The following ZFHX3 variants were observed in gnomAD, a reference collection of about 807,000 sequenced individuals.
The protein encoded by ZFHX3 is zinc finger homeobox 3, also known as zinc finger homeobox protein 3.
ZFHX3 carries 42 observed loss-of-function variants against 279.1 expected under a neutral mutation model. The observed-to-expected ratio is 0.15, with a 90% CI of 0.12 to 0.19. ZFHX3 has a LOEUF of 0.19. ZFHX3 is among the 10% of genes least tolerant of loss of function. The pLI is 1.00. For missense variants in ZFHX3, 4,981 were observed against 4,754.0 expected (o/e 1.05, Z -1.40); for synonymous variants, 2,293 against 1,957.8 (o/e 1.17, Z -4.52).
intron 2 of ZFHX3, among the ~76,000 whole-genome samples, chr16:73,648,795 T>C (rs1267285632): frequency 1.3e-5 from 2 of 152,240 alleles, no homozygotes; most frequent in East Asian, 1.9e-4. Context: ...CACAGTTGTT[T>C]ATAATCTCTT....
chr16:73,491,396 A>G (rs1371809078), intron 2 of ZFHX3, among the ~76,000 whole-genome samples: 1 of 152,244 alleles, frequency 6.6e-6, no homozygotes, highest in Non-Finnish European at 1.5e-5. Flanking sequence ...AATATCACAG[A>G]GCATGCAGAT....
intron 5 of ZFHX3, among the ~76,000 whole-genome samples, chr16:72,827,870 C>G (rs1419876147): frequency 2.6e-5 from 4 of 152,202 alleles, no homozygotes; most frequent in Non-Finnish European, 5.9e-5. Context: ...ACCTGGTGTG[C>G]TGCCCATTCA....
chr16:72,828,253 G>A (rs2036980760), intron 5 of ZFHX3, among the ~76,000 whole-genome samples: 1 of 152,192 alleles, frequency 6.6e-6, no homozygotes, highest in Non-Finnish European at 1.5e-5. Context: ...ATGGTAGTAA[G>A]AATTAGGTTG....
chr16:73,039,908 C>G (rs1297975262), intron 1 of ZFHX3, among the ~76,000 whole-genome samples: 1 of 151,848 alleles, frequency 6.6e-6, no homozygotes, highest in Non-Finnish European at 1.5e-5. Context: ...CTCCAGAGCT[C>G]GGAACTGGTC....
At chr16:73,585,728 G>C (rs1415659993) in intron 2 of ZFHX3, among the ~76,000 whole-genome samples, 2 of 152,230 alleles carry the variant, frequency 1.3e-5, no homozygotes, top group African/African-American at 4.8e-5. Flanking sequence ...GTAATGACTT[G>C]TGGGATTAAA....
intron 3 of ZFHX3, among the ~76,000 whole-genome samples, chr16:73,423,274 G>A (rs1308795206): frequency 6.6e-6 from 1 of 152,062 alleles, no homozygotes; most frequent in Non-Finnish European, 1.5e-5. Flanking sequence ...GCTGAGCATT[G>A]GACAGACACA....
chr16:73,512,910 A>T (rs964233577), intron 2 of ZFHX3, among the ~76,000 whole-genome samples: 1 of 152,248 alleles, frequency 6.6e-6, no homozygotes, highest in Non-Finnish European at 1.5e-5. Flanking sequence ...CTAGTGAAGC[A>T]GGCAGGCACT....
At chr16:73,285,269 G>C (rs2014565574) in intron 4 of ZFHX3, among the ~76,000 whole-genome samples, 1 of 152,200 alleles carries the variant, frequency 6.6e-6, no homozygotes, top group African/African-American at 2.4e-5. Flanking sequence ...TGCCCACAAG[G>C]CGATGAGGTC....
chr16:73,566,241 G>C (rs2020449278), intron 2 of ZFHX3, among the ~76,000 whole-genome samples: 2 of 152,208 alleles, frequency 1.3e-5, no homozygotes, highest in South Asian at 4.1e-4. Flanking sequence ...AGATGGCAAG[G>C]GAAAATCAGA....
chr16:73,345,152 G>A (rs1021488947), intron 3 of ZFHX3, among the ~76,000 whole-genome samples: 13 of 151,782 alleles, frequency 8.6e-5, no homozygotes, highest in East Asian at 5.8e-4. Context: ...CTTTTTATAC[G>A]GAAATATTAT....
At chr16:73,717,032 T>C (rs1206828131) in intron 1 of ZFHX3, among the ~76,000 whole-genome samples, 3 of 152,042 alleles carry the variant, frequency 2.0e-5, no homozygotes, top group East Asian at 1.9e-4. Context: ...GCAAGCGCCA[T>C]AGAACAGCAG....
chr16:73,812,572 C>CT (rs962640437), intron 1 of ZFHX3: 1 of 152,278 alleles, frequency 6.6e-6, no homozygotes, highest in Non-Finnish European at 1.5e-5. Context: ...TCCCTATTGC[C>CT]TCATCCCTAC....
chr16:73,060,584 A>G (rs1172286067), upstream of ZFHX3: 1 of 138,110 alleles, frequency 7.2e-6, no homozygotes, highest in Non-Finnish European at 1.5e-5. Flanking sequence ...TGCTACTGCA[A>G]TAGATTTTTT....
intron 4 of ZFHX3, among the ~76,000 whole-genome samples, chr16:73,277,188 G>C (rs1381395575): frequency 6.6e-6 from 1 of 152,216 alleles, no homozygotes; most frequent in East Asian, 1.9e-4. Flanking sequence ...AACACGGTTG[G>C]CATGATCTCA....
chr16:73,526,482 A>C (rs933066515), intron 2 of ZFHX3, among the ~76,000 whole-genome samples: 1 of 152,216 alleles, frequency 6.6e-6, no homozygotes, highest in African/African-American at 2.4e-5. Flanking sequence ...ACTTTAGCTT[A>C]GTTTTAAAAC....
At chr16:73,605,945 G>A (rs2052174864) in intron 2 of ZFHX3, among the ~76,000 whole-genome samples, 1 of 151,986 alleles carries the variant, frequency 6.6e-6, no homozygotes, top group African/African-American at 2.4e-5. Context: ...AGCATTTTGG[G>A]AGACCGAGGC....
At chr16:73,698,688 C>T (rs1037390154) in intron 1 of ZFHX3, among the ~76,000 whole-genome samples, 1 of 151,950 alleles carries the variant, frequency 6.6e-6, no homozygotes, top group African/African-American at 2.4e-5. Context: ...TACAAAGTAA[C>T]CAATCAGTAC....
chr16:73,635,063 C>T (rs1159608296), intron 2 of ZFHX3, among the ~76,000 whole-genome samples: 2 of 152,092 alleles, frequency 1.3e-5, no homozygotes, highest in Non-Finnish European at 2.9e-5. Context: ...ATCAATTTAA[C>T]TGGAAAAGTA....
At chr16:73,573,233 G>A (rs910763895) in intron 2 of ZFHX3, among the ~76,000 whole-genome samples, 4 of 152,096 alleles carry the variant, frequency 2.6e-5, no homozygotes, top group East Asian at 1.9e-4. Context: ...GCTTTCACTC[G>A]TGCTCTGACA....
Sources: allele counts gnomAD v4.1 joint callset (sites outside exome capture counted in the v4.1 genomes callset), GRCh38; gene constraint gnomAD v4.1.1; transcripts MANE v1.5; gene names NCBI Gene and HGNC (gene_info 2026-07-23, HGNC 2026-07-21).